The following MEGF10 variants were observed in gnomAD, a reference collection of about 807,000 sequenced individuals.
MEGF10 encodes the protein multiple epidermal growth factor-like domains protein 10.
MEGF10 carries 86 observed loss-of-function variants against 147.5 expected under a neutral mutation model. The ratio of observed to expected loss-of-function variants is 0.58; its 90% CI spans 0.49 to 0.70. The LOEUF is 0.70. Among genes scored for constraint, MEGF10 ranks in the 30% least tolerant of loss-of-function variants. The pLI is 0.00. For missense variants in MEGF10, 1,329 were observed against 1,487.3 expected (o/e 0.89, Z 1.75); for synonymous variants, 478 against 525.5 (o/e 0.91, Z 1.24).
At chr5:127,332,021 G>A (rs1351357385) in intron 2 of MEGF10, among the ~76,000 whole-genome samples, 2 of 152,012 alleles carry the variant, frequency 1.3e-5, no homozygotes, top group African/African-American at 2.4e-5. Flanking sequence ...GTGGACCACC[G>A]AGAACTGTGC....
Position 127,396,541 on chromosome 5 carries a change from G to T in MEGF10, c.422G>T (p.Gly141Val), listed in dbSNP as rs756329251. 3 of 1,541,928 alleles carry T rather than the reference G, an allele frequency of 1.9e-6. No individual in the cohort carries two copies. Among genetic ancestry groups the T allele is most frequent in the Non-Finnish European group, 8.8e-7 (1 of 1,141,062 alleles). The change falls in exon 6 of 25, where the codon GGT (glycine) becomes GTT (valine). Residue 141 changes from glycine (G) to valine (V), a missense_variant. Around this residue, in one of 3 missense-constraint regions of MEGF10, gnomAD observed 980 missense variants for 1,085.9 expected, o/e 0.90. Coordinates refer to ENST00000503335, the MANE Select transcript of MEGF10 (RefSeq NM_001256545.2). ...CTCTCCTCAATCTCAGCCTGCGATGGTGATCACTGGGGTCCCCACTGCACC... is the reference window on the plus strand; with the variant it reads ...CTCTCCTCAATCTCAGCCTGCGATGTTGATCACTGGGGTCCCCACTGCACC... ...GGTNCSSACD[G>V]DHWGPHCTSR...
intron 1 of MEGF10, among the ~76,000 whole-genome samples, chr5:127,308,750 T>TAA (rs1760127605): frequency 1.3e-5 from 2 of 151,776 alleles, no homozygotes; most frequent in Admixed American, 6.6e-5. Context: ...CATTAGGAGA[T>TAA]ATACCTAATG....
chr5:127,250,280 T>C, the MEGF10 span, among the ~76,000 whole-genome samples: 12 of 152,066 alleles, frequency 7.9e-5, no homozygotes, highest in African/African-American at 2.7e-4. Flanking sequence ...CTAATAACTA[T>C]GTTTAACATC....
intron 5 of MEGF10, among the ~76,000 whole-genome samples, chr5:127,385,871 C>T (rs1165587567): frequency 6.6e-6 from 1 of 152,116 alleles, no homozygotes; most frequent in Non-Finnish European, 1.5e-5. Flanking sequence ...TTGGGAGGCC[C>T]AGGCAGGAGC....
intron 1 of MEGF10, among the ~76,000 whole-genome samples, chr5:127,317,678 C>G (rs1470563959): frequency 1.3e-5 from 2 of 152,186 alleles, no homozygotes. Flanking sequence ...CGTGTTCTCA[C>G]TCATAGGTGG....
intron 1 of MEGF10, among the ~76,000 whole-genome samples, chr5:127,310,497 T>A (rs187825723): frequency 3.9e-5 from 6 of 152,136 alleles, no homozygotes; most frequent in Admixed American, 3.3e-4. Flanking sequence ...TGCTTTTAGA[T>A]TTTTTTTAAG....
chr5:127,306,854 G>T (rs554828837), intron 1 of MEGF10, among the ~76,000 whole-genome samples: 1 of 152,194 alleles, frequency 6.6e-6, no homozygotes, highest in Non-Finnish European at 1.5e-5. Flanking sequence ...TGGGTTGTGG[G>T]GGGTGGTGGA....
chr5:127,276,845 T>TAG, the MEGF10 span, among the ~76,000 whole-genome samples: 4 of 151,882 alleles, frequency 2.6e-5, no homozygotes, highest in South Asian at 8.3e-4. Context: ...AAAGAAAAGG[T>TAG]AGAGCATGGT....
At chr5:127,319,207 C>T (rs1760695943) in intron 1 of MEGF10, among the ~76,000 whole-genome samples, 1 of 152,040 alleles carries the variant, frequency 6.6e-6, no homozygotes, top group Admixed American at 6.6e-5. Flanking sequence ...TCCCAAATAG[C>T]TGGGATTACA....
At chr5:127,445,771 G>C in intron 20 of MEGF10, 78 bp downstream of exon 20, 2 of 1,010,392 alleles carry the variant, frequency 2.0e-6, no homozygotes, top group South Asian at 2.6e-5. Context: ...CTGGGTGTTT[G>C]GCTGTGCTGT....
At chr5:127,449,898 A>G (rs1766090397) in intron 22 of MEGF10, among the ~76,000 whole-genome samples, 1 of 152,186 alleles carries the variant, frequency 6.6e-6, no homozygotes, top group African/African-American at 2.4e-5. Flanking sequence ...TTTAATATGT[A>G]AATAAAAACT....
intron 4 of MEGF10, among the ~76,000 whole-genome samples, chr5:127,348,275 T>C (rs557510942): frequency 1.3e-5 from 2 of 152,132 alleles, no homozygotes; most frequent in African/African-American, 4.8e-5. Flanking sequence ...ATATAAAATG[T>C]ATTGTCTTTT....
At chr5:127,262,449 C>T in the MEGF10 span, among the ~76,000 whole-genome samples, 1 of 152,068 alleles carries the variant, frequency 6.6e-6, no homozygotes, top group Non-Finnish European at 1.5e-5. Context: ...GACGTCTAGC[C>T]CCTGTGATAT....
chr5:127,406,688 C>T (rs1037310649), intron 8 of MEGF10, among the ~76,000 whole-genome samples: 3 of 152,140 alleles, frequency 2.0e-5, no homozygotes, highest in African/African-American at 4.8e-5. Flanking sequence ...AACAGACACC[C>T]TGTAGGCTGG....
chr5:127,334,820 G>C (rs1339706404), intron 2 of MEGF10, among the ~76,000 whole-genome samples: 1 of 152,138 alleles, frequency 6.6e-6, no homozygotes, highest in African/African-American at 2.4e-5. Flanking sequence ...AGAAGGGAGA[G>C]TAATTGAATC....
At chr5:127,340,254 A>G (rs1243697813) in intron 3 of MEGF10, among the ~76,000 whole-genome samples, 1 of 152,144 alleles carries the variant, frequency 6.6e-6, no homozygotes, top group Admixed American at 6.6e-5. Context: ...AAACATACGT[A>G]AGTGAATGAT....
chr5:127,355,061 C>G (rs1762233230), intron 4 of MEGF10, among the ~76,000 whole-genome samples: 1 of 152,108 alleles, frequency 6.6e-6, no homozygotes, highest in Admixed American at 6.5e-5. Context: ...GTTTAGGGCC[C>G]AGATTCTTTA....
chr5:127,306,070 G>C (rs1480959011), intron 1 of MEGF10, among the ~76,000 whole-genome samples: 1 of 152,186 alleles, frequency 6.6e-6, no homozygotes, highest in African/African-American at 2.4e-5. Flanking sequence ...ACCCAAGGAA[G>C]GTTTCTTGTA....
chr5:127,430,114 C>T (rs532300595), intron 13 of MEGF10, among the ~76,000 whole-genome samples: 1 of 152,164 alleles, frequency 6.6e-6, no homozygotes, highest in Non-Finnish European at 1.5e-5. Flanking sequence ...CAAGCTACCT[C>T]CCTTCCTGAT....
Sources: allele counts gnomAD v4.1 joint callset (sites outside exome capture counted in the v4.1 genomes callset), GRCh38; gene constraint gnomAD v4.1.1; regional missense constraint gnomAD v4.1.1; transcripts MANE v1.5; gene names NCBI Gene and HGNC (gene_info 2026-07-23, HGNC 2026-07-21).